VTI1A: variants seen among roughly 807,000 people sequenced by gnomAD.
VTI1A encodes vesicle transport through interaction with t-SNAREs homolog 1A.
A neutral mutation model predicts 34.9 loss-of-function variants in VTI1A; 22 were observed. That is an observed-to-expected ratio of 0.63 (90% CI 0.45 to 0.90). VTI1A has a LOEUF of 0.90. Among genes scored for constraint, VTI1A ranks in the 40% least tolerant of loss-of-function variants. The pLI is 0.00. For synonymous variants in VTI1A, 87 were observed against 97.3 expected (o/e 0.89, Z 0.62); for missense variants, 268 against 275.6 (o/e 0.97, Z 0.20).
chr10:112,697,866 ATGTGTGTGTGTGTGTGTGTGTG>A, intron 7 of VTI1A, among the ~76,000 whole-genome samples: 1 of 134,928 alleles, frequency 7.4e-6, no homozygotes, highest in African/African-American at 2.6e-5. Flanking sequence ...TAGCATTTAC[ATGTGTGTGTGTGTGTGTGTGTG>A]TGTGTGTGTG....
At chr10:112,628,896 A>G (rs1846022440) in intron 5 of VTI1A, among the ~76,000 whole-genome samples, 1 of 152,140 alleles carries the variant, frequency 6.6e-6, no homozygotes, top group Non-Finnish European at 1.5e-5. Context: ...GTGTGTCTAC[A>G]TTTAAAGTAT....
chr10:112,746,857 A>G (rs1442659376), intron 7 of VTI1A, among the ~76,000 whole-genome samples: 7 of 152,244 alleles, frequency 4.6e-5, no homozygotes, highest in Non-Finnish European at 1.0e-4. Context: ...TGTCCGAACT[A>G]GAAGGTTGCA....
intron 7 of VTI1A, among the ~76,000 whole-genome samples, chr10:112,792,191 T>C (rs576124505): frequency 6.6e-6 from 1 of 152,216 alleles, no homozygotes; most frequent in South Asian, 2.1e-4. Context: ...AGGAGAATCA[T>C]GTGAACCCGG....
At chr10:112,493,176 C>G (rs1325255007) in intron 3 of VTI1A, among the ~76,000 whole-genome samples, 2 of 152,044 alleles carry the variant, frequency 1.3e-5, no homozygotes, top group African/African-American at 4.8e-5. Flanking sequence ...GTATACAGGT[C>G]TTGTACCTCT....
intron 4 of VTI1A, chr10:112,533,569 C>CTTT: frequency 3.8e-6 from 3 of 789,938 alleles, no homozygotes; most frequent in Non-Finnish European, 3.1e-6. Context: ...TTCCTAGCTT[C>CTTT]TTTTTTTTTT....
chr10:112,687,359 G>A (rs183134052), intron 7 of VTI1A, among the ~76,000 whole-genome samples: 8 of 148,536 alleles, frequency 5.4e-5, no homozygotes, highest in Admixed American at 1.4e-4. Context: ...TCAGCCTCCC[G>A]AGTAGCTGGG....
intron 3 of VTI1A, among the ~76,000 whole-genome samples, chr10:112,468,919 A>G (rs1359514676): frequency 6.6e-6 from 1 of 152,166 alleles, no homozygotes; most frequent in Non-Finnish European, 1.5e-5. Context: ...TACCACCTAA[A>G]TATCTCTACT....
intron 5 of VTI1A, among the ~76,000 whole-genome samples, chr10:112,630,250 T>C (rs759023588): frequency 2.2e-4 from 34 of 152,174 alleles, no homozygotes; most frequent in Non-Finnish European, 4.6e-4. Flanking sequence ...GAGCATCCTA[T>C]GGAGTCACAG....
intron 7 of VTI1A, among the ~76,000 whole-genome samples, chr10:112,744,724 C>T (rs770487246): frequency 6.6e-6 from 1 of 152,190 alleles, no homozygotes; most frequent in Non-Finnish European, 1.5e-5. Context: ...GGATTACAGG[C>T]ATGAGCCAAG....
intron 7 of VTI1A, chr10:112,752,448 A>G (rs1851136748): frequency 5.1e-6 from 5 of 985,448 alleles, no homozygotes; most frequent in Non-Finnish European, 6.0e-6. Context: ...CTGCTGAAAG[A>G]ATAGCTTGGA....
intron 5 of VTI1A, among the ~76,000 whole-genome samples, chr10:112,634,514 TACACACACACAC>T (rs10545562): frequency 3.7e-3 from 537 of 144,302 alleles, no homozygotes; most frequent in East Asian, 0.014. Context: ...CACACACACA[TACACACACACAC>T]ACACACACAC....
intron 1 of VTI1A, among the ~76,000 whole-genome samples, chr10:112,459,141 A>T (rs1847644417): frequency 6.6e-6 from 1 of 152,240 alleles, no homozygotes; most frequent in Non-Finnish European, 1.5e-5. Context: ...ATAAAGAACA[A>T]GAAAGTTGTT....
chr10:112,780,130 A>T (rs893663833), intron 7 of VTI1A, among the ~76,000 whole-genome samples: 4 of 150,626 alleles, frequency 2.7e-5, no homozygotes, highest in Admixed American at 2.6e-4. Context: ...AAAAAAAAAA[A>T]AGCAAAAATT....
intron 5 of VTI1A, among the ~76,000 whole-genome samples, chr10:112,636,661 G>A (rs920098609): frequency 1.1e-4 from 17 of 150,290 alleles, no homozygotes; most frequent in African/African-American, 2.7e-4. Flanking sequence ...CCTGGGAGGC[G>A]GAGGTTGCAG....
At chr10:112,763,295 C>G (rs1234642482) in intron 7 of VTI1A, among the ~76,000 whole-genome samples, 1 of 152,030 alleles carries the variant, frequency 6.6e-6, no homozygotes, top group Non-Finnish European at 1.5e-5. Context: ...AAAAAATTAG[C>G]CGGGCATGGT....
At chr10:112,607,122 A>G (rs977519149) in intron 5 of VTI1A, among the ~76,000 whole-genome samples, 2 of 152,022 alleles carry the variant, frequency 1.3e-5, no homozygotes, top group African/African-American at 4.8e-5. Context: ...CCCTGTCTCT[A>G]CTAAAAATAC....
chr10:112,612,715 T>C (rs1041832356), intron 5 of VTI1A, among the ~76,000 whole-genome samples: 76 of 152,180 alleles, frequency 5.0e-4, no homozygotes, highest in African/African-American at 1.8e-3. Context: ...TGAGCCACCA[T>C]GCCCAACCCA....
At chr10:112,805,259 G>T (rs1161602819) in intron 7 of VTI1A, among the ~76,000 whole-genome samples, 1 of 151,980 alleles carries the variant, frequency 6.6e-6, no homozygotes. Flanking sequence ...GCTAATAATA[G>T]TTGTACATTT....
At chr10:112,471,367 A>ATTTTTTTTT (rs576549183) in intron 3 of VTI1A, among the ~76,000 whole-genome samples, 13 of 94,380 alleles carry the variant, frequency 1.4e-4, no homozygotes, top group African/African-American at 1.7e-4. Context: ...ATTCTTATTG[A>ATTTTTTTTT]TTTTTTTTTT....
Sources: allele counts gnomAD v4.1 joint callset (sites outside exome capture counted in the v4.1 genomes callset), GRCh38; gene constraint gnomAD v4.1.1; transcripts MANE v1.5; gene names NCBI Gene and HGNC (gene_info 2026-07-23, HGNC 2026-07-21).